Variants in INSYN1 observed in about 807,000 individuals in gnomAD.
INSYN1 encodes the protein UPF0583 protein C15orf59.
Under a neutral mutation model 17.1 loss-of-function variants are expected in INSYN1, and 7 were observed. The ratio of observed to expected loss-of-function variants is 0.41; its 90% CI spans 0.23 to 0.77. INSYN1 has a LOEUF of 0.77. INSYN1 is among the 30% of genes least tolerant of loss of function. INSYN1 has a pLI of 0.32. For missense variants in INSYN1, 339 were observed against 400.6 expected (o/e 0.85, Z 1.31); for synonymous variants, 174 against 166.3 (o/e 1.05, Z -0.36).
At position 73,737,559 on chromosome 15, in the gene INSYN1, C is replaced by A. The variant is rs1467337325; in HGVS notation, c.*2358G>T. 2.0e-5 allele frequency: 3 copies of A among 152,308 alleles called. No individual in the cohort carries two copies. The South Asian group carries it at 6.2e-4, about 31-fold the overall frequency. The allele number at this position is 152,308 out of a possible 1,614,324, so 9.4% of individuals were successfully genotyped here. Reference sequence around the variant, plus strand: ...GCTGGGAAGAGCTGGCCATGGCCTGCGCCATCCCTGGATTTCCACACTGGT... The same window carrying A: ...GCTGGGAAGAGCTGGCCATGGCCTGAGCCATCCCTGGATTTCCACACTGGT... On this transcript the variant is annotated 3_prime_UTR_variant, in exon 3 of 3. Transcript: ENST00000569673.
chr15:73,743,855 A>AAAAG (rs764937025), intron 2 of INSYN1, among the ~76,000 whole-genome samples: 5,463 of 96,754 alleles, frequency 0.056, 503 homozygotes, highest in East Asian at 0.11. Context: ...AAAAAAAAAA[A>AAAAG]AAAGAAAGAA....
Position 73,751,236 on chromosome 15 carries a change from C to T in INSYN1, c.-106G>A, listed in dbSNP as rs1156795913. The T allele has an allele frequency of 1.4e-5, 19 of 1,387,726 alleles. No homozygotes were observed. Among genetic ancestry groups the T allele is most frequent in the Non-Finnish European group, 1.9e-5 (19 of 1,021,774 alleles). The allele number at this position is 1,387,726 out of a possible 1,614,324, so 86.0% of individuals were successfully genotyped here. ...GGCTGGGCAGAGCTCCACATTTTAA[C>T]GGCCCCCCAGCCCACCCTGGCCCTG... On this transcript the variant is annotated 5_prime_UTR_variant, in exon 2 of 3. Transcript: ENST00000569673.
At position 73,752,954 on chromosome 15, in the gene INSYN1, C is replaced by CGGCGAGGGGAAGGGAGGGGAGGG. The variant is rs1902030568; in HGVS notation, c.-1435_-1413dup. On this transcript the variant is annotated 5_prime_UTR_variant, in exon 1 of 3. Coordinates refer to ENST00000569673, the MANE Select transcript of INSYN1 (RefSeq NM_001039614.3). The surrounding 1 kb of genome is among the most constrained non-coding windows in gnomAD (Gnocchi z 5.2). ...CGAGAAGAGGCGAGGGGAGGAGGCGCGGCGAGGGGAAGGGAGGGGAGGGGG... is the reference window on the plus strand; with the variant it reads ...CGAGAAGAGGCGAGGGGAGGAGGCGCGGCGAGGGGAAGGGAGGGGAGGGGGCGAGGGGAAGGGAGGGGAGGGGG... 7.5e-6 allele frequency among the ~76,000 whole-genome samples: 1 copy of CGGCGAGGGGAAGGGAGGGGAGGG among 134,106 alleles called. No homozygotes were observed. The highest frequency in any genetic ancestry group is 1.6e-5 in the Non-Finnish European group (1 of 62,496). The allele number at this position is 134,106 out of a possible 152,430, so 88.0% of individuals were successfully genotyped here. A position where few individuals can be genotyped will look rare whatever the true frequency, so the allele number is the denominator to read the frequency against.
intron 2 of INSYN1, among the ~76,000 whole-genome samples, chr15:73,747,510 G>T (rs1285801508): frequency 1.3e-5 from 2 of 152,220 alleles, no homozygotes; most frequent in African/African-American, 4.8e-5. Flanking sequence ...GCCTCTCATT[G>T]TGCTAAGTGC....
rs1357660990 is a variant in INSYN1, at chr15:73,740,628, G to A, written c.171C>T (p.Ile57=). Residue 57 remains isoleucine, a synonymous_variant, in exon 3 of 3, where the codon ATC becomes ATT. Coordinates refer to ENST00000569673, the MANE Select transcript of INSYN1 (RefSeq NM_001039614.3). Reference sequence around the variant, plus strand: ...AGTCGAAGTCCGAGGTTAGCTTATCGATCTGGCTCACCACCTGACCAGGGA... The same window carrying A: ...AGTCGAAGTCCGAGGTTAGCTTATCAATCTGGCTCACCACCTGACCAGGGA... ...AKELREVVSQ[I]DKLTSDFDFE... 8.7e-6 allele frequency: 14 copies of A among 1,609,766 alleles called. No homozygotes were observed. Among genetic ancestry groups the A allele is most frequent in the African/African-American group, 8.0e-5 (6 of 74,856 alleles).
intron 2 of INSYN1, among the ~76,000 whole-genome samples, chr15:73,747,070 C>G (rs764486359): frequency 2.6e-5 from 4 of 152,222 alleles, no homozygotes; most frequent in Non-Finnish European, 2.9e-5. Context: ...CTACTCTTCT[C>G]CTTGTTCACT....
Position 73,752,919 on chromosome 15 carries a change from G to A in INSYN1, c.-1377C>T, listed in dbSNP as rs117544936. On this transcript the variant is annotated 5_prime_UTR_variant, in exon 1 of 3. Transcript: ENST00000569673. The surrounding 1 kb of genome is among the most constrained non-coding windows in gnomAD (Gnocchi z 5.2). ...CGGGAGCAGCGCCGGGCGGAGGAGA[G>A]GAGAGGAGGCGAGAAGAGGCGAGGG... 0.058 allele frequency among the ~76,000 whole-genome samples: 8,739 copies of A among 150,024 alleles called. 330 individuals carry two copies. The highest frequency in any genetic ancestry group is 0.11 in the Middle Eastern group (32 of 286).
At chr15:73,745,747 T>G (rs1228640819) in intron 2 of INSYN1, among the ~76,000 whole-genome samples, 1 of 150,478 alleles carries the variant, frequency 6.6e-6, no homozygotes, top group Non-Finnish European at 1.5e-5. Flanking sequence ...AGGCAGAGCT[T>G]GCAGTGAGCC....
At position 73,740,286 on chromosome 15, in the gene INSYN1, C is replaced by T; in HGVS notation, c.513G>A (p.Val171=). The part of the protein sequence containing the change: ...SEEAFGAGPT[V]KSQLPQRTPG... ...GGGTCCGCTGGGGCAGCTGGCTCTT[C>T]ACCGTGGGGCCAGCACCAAAGGCCT... is the stretch of plus-strand genomic sequence containing the variant. Residue 171 remains valine (V), a synonymous_variant, in exon 3 of 3, where the codon GTG becomes GTA. Transcript: ENST00000569673. 6.2e-7 allele frequency: 1 copy of T among 1,613,458 alleles called. No homozygotes were observed. Among genetic ancestry groups the T allele is most frequent in the East Asian group, 2.2e-5 (1 of 44,864 alleles).
intron 2 of INSYN1, among the ~76,000 whole-genome samples, chr15:73,741,953 A>G (rs1596036981): frequency 6.6e-6 from 1 of 152,354 alleles, no homozygotes; most frequent in East Asian, 1.9e-4. Flanking sequence ...GGCCAGTGGG[A>G]AGACTACTTG....
At chr15:73,743,099 G>C (rs762331908) in intron 2 of INSYN1, among the ~76,000 whole-genome samples, 1 of 152,246 alleles carries the variant, frequency 6.6e-6, no homozygotes, top group African/African-American at 2.4e-5. Flanking sequence ...TGTGGAGTTT[G>C]CTGCTGCCTG....
Position 73,735,729 on chromosome 15 carries a change from G to A in INSYN1, c.*4188C>T, listed in dbSNP as rs546161692. ...TAGATGATGCTAAGTCACTGTGTTT[G>A]TGGTTGAATCCTGGTTCCATAGCCC... On this transcript the variant is annotated 3_prime_UTR_variant, in exon 3 of 3. Coordinates refer to ENST00000569673, the MANE Select transcript of INSYN1 (RefSeq NM_001039614.3). 6.6e-6 allele frequency: 1 copy of A among 152,232 alleles called. No homozygotes were observed. Among genetic ancestry groups the A allele is most frequent in the Admixed American group, 6.5e-5 (1 of 15,282 alleles). The allele number at this position is 152,232 out of a possible 1,614,324, so 9.4% of individuals were successfully genotyped here. A position where few individuals can be genotyped will look rare whatever the true frequency, so the allele number is the denominator to read the frequency against.
intron 2 of INSYN1, among the ~76,000 whole-genome samples, chr15:73,748,696 C>A (rs547018654): frequency 5.2e-4 from 79 of 152,340 alleles, no homozygotes; most frequent in African/African-American, 1.8e-3. Flanking sequence ...CTGGCACCCC[C>A]CCTTGGTAAC....
In INSYN1 at chr15:73,752,345, C is replaced by T. The variant is rs1268231845; in HGVS notation, c.-803G>A. 2.0e-5 allele frequency: 3 copies of T among 152,400 alleles called. No individual in the cohort carries two copies. In the East Asian group the frequency reaches 5.8e-4, roughly 30 times the overall value. The allele number at this position is 152,400 out of a possible 1,614,324, so 9.4% of individuals were successfully genotyped here. A position where few individuals can be genotyped will look rare whatever the true frequency, so the allele number is the denominator to read the frequency against. On this transcript the variant is annotated 5_prime_UTR_variant, in exon 1 of 3. Transcript: ENST00000569673. This position sits in a 1 kb window ranked among gnomAD's most constrained non-coding sequence, Gnocchi z 5.2. ...AATCTTTCTCAAGCCTCTCCAGGCTCGGGGTCGGGAATGAGCGAGGGTCCG... is the reference window on the plus strand; with the variant it reads ...AATCTTTCTCAAGCCTCTCCAGGCTTGGGGTCGGGAATGAGCGAGGGTCCG...
chr15:73,749,671 T>C (rs937738849), intron 2 of INSYN1, among the ~76,000 whole-genome samples: 2 of 152,182 alleles, frequency 1.3e-5, no homozygotes, highest in Non-Finnish European at 2.9e-5. Flanking sequence ...GATCTCCAAA[T>C]TGTACTGTCC....
chr15:73,749,960 C>G (rs1407457383), intron 2 of INSYN1, among the ~76,000 whole-genome samples: 1 of 152,192 alleles, frequency 6.6e-6, no homozygotes, highest in African/African-American at 2.4e-5. Context: ...ATCACCCCAC[C>G]TCTTCAGCCT....
intron 2 of INSYN1, among the ~76,000 whole-genome samples, chr15:73,747,920 T>C (rs963084631): frequency 2.0e-5 from 3 of 152,098 alleles, no homozygotes; most frequent in Non-Finnish European, 4.4e-5. Context: ...CCTCACTTAA[T>C]CCTTTAAAAG....
chr15:73,744,050 C>T (rs1459003783), intron 2 of INSYN1, among the ~76,000 whole-genome samples: 1 of 152,010 alleles, frequency 6.6e-6, no homozygotes, highest in Non-Finnish European at 1.5e-5. Flanking sequence ...TCTAGTAATA[C>T]CTACTTGATA....
rs1901546266 is a variant in INSYN1, at chr15:73,736,986, T to A, written c.*2931A>T. The A allele has an allele frequency of 6.6e-6, 1 of 152,220 alleles. No individual in the cohort carries two copies. The highest frequency in any genetic ancestry group is 1.5e-5 in the Non-Finnish European group (1 of 68,106). The allele number at this position is 152,220 out of a possible 1,614,324, so 9.4% of individuals were successfully genotyped here. A position where few individuals can be genotyped will look rare whatever the true frequency, so the allele number is the denominator to read the frequency against. ...AGGTCCAGACTGGGTGTAGCAAAAT[T>A]GTGAAGTCAGCCAAGTACTACCTAT... is the stretch of plus-strand genomic sequence containing the variant. On this transcript the variant is annotated 3_prime_UTR_variant, in exon 3 of 3. Transcript: ENST00000569673.
Sources: allele counts gnomAD v4.1 joint callset (sites outside exome capture counted in the v4.1 genomes callset), GRCh38; gene constraint gnomAD v4.1.1; non-coding constraint Gnocchi (gnomAD v3.1); transcripts MANE v1.5; gene names NCBI Gene and HGNC (gene_info 2026-07-23, HGNC 2026-07-21).